Variants in PROX1 observed in about 807,000 individuals in gnomAD.
PROX1 encodes prospero homeobox 1.
In PROX1, 7 loss-of-function variants were observed where a neutral mutation model predicts 58.8. The observed-to-expected ratio is 0.12, with a 90% CI of 0.07 to 0.22. The LOEUF is 0.22. Among genes scored for constraint, PROX1 ranks in the 10% least tolerant of loss-of-function variants. The pLI, the probability that PROX1 is intolerant of heterozygous loss-of-function variation, is 1.00. For synonymous variants in PROX1, 350 were observed against 358.3 expected (o/e 0.98, Z 0.26); for missense variants, 675 against 927.8 (o/e 0.73, Z 3.54).
At chr1:214,016,712 A>C (rs1325022798) in intron 4 of PROX1, among the ~76,000 whole-genome samples, 1 of 152,164 alleles carries the variant, frequency 6.6e-6, no homozygotes, top group Non-Finnish European at 1.5e-5. Context: ...TTTGAAGGAG[A>C]GCGCAGTAAA....
rs1275736330 is a variant in PROX1 at position 214,035,858 on chromosome 1, T to C, written c.*24T>C. ...AGAAATTTCAACAACTCTTTTTGAATGTATGAAGAGTAGCAGTCCCCTTTG... is the reference window on the plus strand; with the variant it reads ...AGAAATTTCAACAACTCTTTTTGAACGTATGAAGAGTAGCAGTCCCCTTTG... On this transcript the variant is annotated 3_prime_UTR_variant, in exon 5 of 5. Transcript: ENST00000366958. The C allele has an allele frequency of 2.5e-6, 4 of 1,596,398 alleles. No homozygotes were observed. The South Asian group carries it at 3.4e-5, about 14-fold the overall frequency.
At chr1:214,003,665 TACTTA>T (rs1317832036) in intron 2 of PROX1, among the ~76,000 whole-genome samples, 1 of 152,232 alleles carries the variant, frequency 6.6e-6, no homozygotes, top group Non-Finnish European at 1.5e-5. Flanking sequence ...AAACCTGCAC[TACTTA>T]ACTTTTCTAT....
intron 4 of PROX1, among the ~76,000 whole-genome samples, chr1:214,021,901 G>A (rs1664292261): frequency 6.6e-6 from 1 of 151,682 alleles, no homozygotes. Flanking sequence ...ATCAAGCACT[G>A]GGGTATTTGA....
intron 1 of PROX1, among the ~76,000 whole-genome samples, chr1:213,993,217 G>A (rs983338329): frequency 2.6e-5 from 4 of 152,110 alleles, no homozygotes; most frequent in East Asian, 1.9e-4. Flanking sequence ...AAGTGTATCC[G>A]ATCAATAATA....
intron 4 of PROX1, among the ~76,000 whole-genome samples, chr1:214,023,311 C>T (rs1221555225): frequency 2.1e-4 from 32 of 151,902 alleles, no homozygotes; most frequent in Admixed American, 2.1e-3. Context: ...TGTACGTCTC[C>T]TCTCTTTCAG....
intron 3 of PROX1, among the ~76,000 whole-genome samples, chr1:214,009,741 C>A (rs750439240): frequency 6.6e-6 from 1 of 152,068 alleles, no homozygotes; most frequent in East Asian, 1.9e-4. Flanking sequence ...AAAAAAAATA[C>A]CCTTCTATTT....
rs1664907697 is a variant in PROX1, at chr1:214,038,667, C to CA, written c.*2837dup. 1 of 152,166 alleles carries CA rather than the reference C, an allele frequency of 6.6e-6. No homozygotes were observed. The highest frequency in any genetic ancestry group is 1.5e-5 in the Non-Finnish European group (1 of 68,028). 9.4% of individuals were successfully genotyped at this position (152,166 alleles called of 1,614,324 possible). A position where few individuals can be genotyped will look rare whatever the true frequency, so the allele number is the denominator to read the frequency against. On this transcript the variant is annotated 3_prime_UTR_variant, in exon 5 of 5. Coordinates refer to ENST00000366958, the MANE Select transcript of PROX1 (RefSeq NM_001270616.2). ...GCGGGGGGGATTTTAAAAAATCCTT[C>CA]AAAATACCAGTTTTTTCCCAACAAG...
Position 214,011,618 on chromosome 1 carries a change from A to G in PROX1, c.1931A>G (p.Asn644Ser). The part of the protein sequence containing the change: ...QMEKYARQAI[N>S]DGVTSTEELS... ...GAGAAGTACGCACGTCAAGCCATCA[A>G]CGATGGGGTCACCAGTACTGAAGAG... The change falls in exon 4 of 5, where the codon AAC becomes AGC. Residue 644 changes from asparagine to serine, a missense_variant. By Grantham distance (46) the Asn-to-Ser change is conservative (BLOSUM62 1). Coordinates refer to ENST00000366958, the MANE Select transcript of PROX1 (RefSeq NM_001270616.2). The G allele has an allele frequency of 6.2e-7, 1 of 1,614,124 alleles. No individual in the cohort carries two copies.
chr1:214,035,313 C>T (rs1032377804), intron 4 of PROX1, among the ~76,000 whole-genome samples: 1 of 152,170 alleles, frequency 6.6e-6, no homozygotes, highest in Non-Finnish European at 1.5e-5. Flanking sequence ...TAATTGGAGA[C>T]TTTCTTCTGG....
upstream of PROX1, among the ~76,000 whole-genome samples, chr1:213,987,174 A>G (rs542575499): frequency 6.6e-6 from 1 of 152,266 alleles, no homozygotes; most frequent in South Asian, 2.1e-4. Flanking sequence ...AAGGGTAAAT[A>G]TTCCTCTTCC....
chr1:214,025,374 T>C (rs1419897672), intron 4 of PROX1, among the ~76,000 whole-genome samples: 1 of 152,236 alleles, frequency 6.6e-6, no homozygotes, highest in Non-Finnish European at 1.5e-5. Context: ...CTGTTAGCCC[T>C]CAAGTTTGGC....
chr1:213,993,306 C>T (rs933808116), intron 1 of PROX1, among the ~76,000 whole-genome samples: 1 of 152,120 alleles, frequency 6.6e-6, no homozygotes, highest in African/African-American at 2.4e-5. Flanking sequence ...TCAAAAGCTT[C>T]ATATTGCCTA....
chr1:214,005,679 G>A (rs901702181), intron 3 of PROX1, among the ~76,000 whole-genome samples: 3 of 152,122 alleles, frequency 2.0e-5, no homozygotes, highest in African/African-American at 7.2e-5. Context: ...GCAAACTCTA[G>A]CACCTCTTTT....
At chr1:213,989,925 G>C (rs1385882192) in intron 1 of PROX1, 2 of 152,216 alleles carry the variant, frequency 1.3e-5, no homozygotes, top group Non-Finnish European at 2.9e-5. Flanking sequence ...AGGTTGGAGT[G>C]TGAAACTGCT....
chr1:214,022,666 T>G (rs1012161131), intron 4 of PROX1, among the ~76,000 whole-genome samples: 1 of 152,160 alleles, frequency 6.6e-6, no homozygotes, highest in East Asian at 1.9e-4. Context: ...GCCTGGAGGG[T>G]CTGGCTCTGG....
In PROX1 at chr1:214,039,924, GT is replaced by G. The variant is rs2102798345; in HGVS notation, c.*4093del. ...TCATAAATTTATGAAAGAAAGAGTAGTTTACAGACTCCCCTGAAAGAAGCAG... is the reference window on the plus strand; with the variant it reads ...TCATAAATTTATGAAAGAAAGAGTAGTTACAGACTCCCCTGAAAGAAGCAG... On this transcript the variant is annotated 3_prime_UTR_variant, in exon 5 of 5. Transcript: ENST00000366958. 1 of 152,208 alleles carries G rather than the reference GT, an allele frequency of 6.6e-6. No homozygotes were observed. The highest frequency in any genetic ancestry group is 6.5e-5 in the Admixed American group (1 of 15,276). The allele number at this position is 152,208 out of a possible 1,614,324, so 9.4% of individuals were successfully genotyped here.
Position 214,021,249 on chromosome 1 carries a change from T to C in PROX1, c.2028+9534T>C, listed in dbSNP as rs1571833890. Reference sequence around the variant, plus strand: ...TTTAAACTTAATCTCATTGTCAGAATATACCACTCCTTAAGATAATAATTC... The same window carrying C: ...TTTAAACTTAATCTCATTGTCAGAACATACCACTCCTTAAGATAATAATTC... On this transcript the variant is annotated intron_variant, in intron 4 of 4. Transcript: ENST00000366958. 2.0e-5 allele frequency among the ~76,000 whole-genome samples: 3 copies of C among 152,382 alleles called. No homozygotes were observed. The South Asian group carries it at 6.2e-4, about 32-fold the overall frequency.
At position 214,036,103 on chromosome 1, in the gene PROX1, A is replaced by C; in HGVS notation, c.*269A>C. On this transcript the variant is annotated 3_prime_UTR_variant, in exon 5 of 5. Transcript: ENST00000366958. ...CTTAAAATAGGGTTAATTTTCAGGG[A>C]AAAAGAATGTTGGCGTGTGTAAAGT... 3.8e-6 allele frequency: 1 copy of C among 260,098 alleles called. No homozygotes were observed. Among genetic ancestry groups the C allele is most frequent in the South Asian group, 1.1e-4 (1 of 9,446 alleles). The allele number at this position is 260,098 out of a possible 1,614,324, so 16.1% of individuals were successfully genotyped here. A position where few individuals can be genotyped will look rare whatever the true frequency, so the allele number is the denominator to read the frequency against.
intron 3 of PROX1, among the ~76,000 whole-genome samples, chr1:214,007,510 T>G (rs909433407): frequency 6.6e-6 from 1 of 152,232 alleles, no homozygotes; most frequent in Non-Finnish European, 1.5e-5. Flanking sequence ...TTCTTGAGCT[T>G]ACACTGATGA....
Sources: gnomAD v4.1 joint callset for allele counts (sites outside exome capture counted in the v4.1 genomes callset) on GRCh38, gnomAD v4.1.1 for gene constraint, MANE v1.5 for transcripts, NCBI Gene and HGNC (gene_info 2026-07-23, HGNC 2026-07-21) for gene names.